PLXND1: variants seen among roughly 807,000 people sequenced by gnomAD.
PLXND1 encodes plexin D1.
A neutral mutation model predicts 197.7 loss-of-function variants in PLXND1; 54 were observed. The observed-to-expected ratio is 0.27, with a 90% CI of 0.22 to 0.34. The LOEUF (loss-of-function observed/expected upper bound fraction) is 0.34, where lower values mean the gene tolerates loss of function less well. Among genes scored for constraint, PLXND1 ranks in the 10% least tolerant of loss-of-function variants. The pLI, the probability that PLXND1 is intolerant of heterozygous loss-of-function variation, is 1.00. For missense variants in PLXND1, 2,127 were observed against 2,699.2 expected (o/e 0.79, Z 4.70); for synonymous variants, 1,180 against 1,161.2 (o/e 1.02, Z -0.33).
In PLXND1 at chr3:129,606,273, T is replaced by C; in HGVS notation, c.367A>G (p.Asn123Asp). Reference sequence around the variant, plus strand: ...TCCAGCTGCAGGATCTTGTTGTAGTTGTCCGTGAGGCGCCGCGGGTGCTCG... The same window carrying C: ...TCCAGCTGCAGGATCTTGTTGTAGTCGTCCGTGAGGCGCCGCGGGTGCTCG... ...SCEHPRRLTD[N>D]YNKILQLDPG... is the part of the protein sequence containing the mutation. Residue 123 changes from asparagine to aspartate, a missense_variant, in exon 1 of 36, where the codon AAC becomes GAC. Physicochemically the swap from Asn to Asp is conservative, Grantham distance 23 (BLOSUM62 1). Around this residue, in one of 6 missense-constraint regions of PLXND1, gnomAD observed 245 missense variants for 267.1 expected, o/e 0.92. Coordinates refer to ENST00000324093, the MANE Select transcript of PLXND1 (RefSeq NM_015103.3). 1 of 1,545,758 alleles carries C rather than the reference T, an allele frequency of 6.5e-7. No individual in the cohort carries two copies. The highest frequency in any genetic ancestry group is 8.7e-7 in the Non-Finnish European group (1 of 1,151,620).
At position 129,574,389 on chromosome 3, in the gene PLXND1, G is replaced by C. The variant is rs141047735; in HGVS notation, c.2632C>G (p.Arg878Gly). ...CCAGCCATGGGCTGCAGAGGCCCCC[G>C]CAGGCGGCAGCCATCACTCCACATG... ...LCMWSDGCRL[R>G]GPLQPMAGTC... Residue 878 changes from arginine to glycine, a missense_variant, in exon 12 of 36, where the codon CGG (arginine) becomes GGG (glycine). Around this residue, in one of 6 missense-constraint regions of PLXND1, gnomAD observed 1,095 missense variants for 1,259.8 expected, o/e 0.87. Transcript: ENST00000324093. 6.2e-7 allele frequency: 1 copy of C among 1,611,922 alleles called. No homozygotes were observed. Among genetic ancestry groups the C allele is most frequent in the African/African-American group, 1.3e-5 (1 of 75,046 alleles).
At chr3:129,578,275 G>A (rs967885443) in intron 9 of PLXND1, 54 bp downstream of exon 9, 23 of 1,122,304 alleles carry the variant, frequency 2.0e-5, no homozygotes, top group African/African-American at 3.0e-5. Flanking sequence ...AGTGGCCTGC[G>A]TGCTCCCCGG....
At chr3:129,589,310 T>TGGCCCCCCCCCCCCCCC in intron 2 of PLXND1, 41 bp downstream of exon 2, 6 of 501,290 alleles carry the variant, frequency 1.2e-5, no homozygotes, top group East Asian at 5.1e-5. Context: ...CAGGGGAGCC[T>TGGCCCCCCCCCCCCCCC]CCCACCCCCA....
Position 129,577,956 on chromosome 3 carries a change from G to A in PLXND1, c.2346+373C>T, listed in dbSNP as rs886818885. On this transcript the variant is annotated intron_variant, in intron 9 of 35. Coordinates refer to ENST00000324093, the MANE Select transcript of PLXND1 (RefSeq NM_015103.3). This position sits in a 1 kb window ranked among gnomAD's most constrained non-coding sequence, Gnocchi z 5.0. ...CCACCCACGGGGCAGTGGGCTCGGC[G>A]GTGGGTGGGTGTGTCCAGGGTCACA... Among the ~76,000 whole-genome samples, 6 of 152,214 alleles carry A rather than the reference G, an allele frequency of 3.9e-5. No individual in the cohort carries two copies. Among genetic ancestry groups the A allele is most frequent in the South Asian group, 2.1e-4 (1 of 4,834 alleles).
rs954683584 is a variant in PLXND1 at position 129,556,237 on chromosome 3, G to C, written c.*75C>G. The C allele has an allele frequency of 3.1e-6, 3 of 977,946 alleles. No individual in the cohort carries two copies. The highest frequency in any genetic ancestry group is 2.7e-5 in the South Asian group (2 of 73,682). 60.6% of individuals were successfully genotyped at this position (977,946 alleles called of 1,614,324 possible). Reference sequence around the variant, plus strand: ...ATTTCCCAGTCTGAGTCACAGGCACGGGGTAGAAGATCAAGTTGAGGCCCA... The same window carrying C: ...ATTTCCCAGTCTGAGTCACAGGCACCGGGTAGAAGATCAAGTTGAGGCCCA... On this transcript the variant is annotated 3_prime_UTR_variant, in exon 36 of 36. Transcript: ENST00000324093.
At position 129,555,671 on chromosome 3, in the gene PLXND1, C is replaced by T. The variant is rs1291916785; in HGVS notation, c.*641G>A. On this transcript the variant is annotated 3_prime_UTR_variant, in exon 36 of 36. Transcript: ENST00000324093. Reference sequence around the variant, plus strand: ...ACGGGGCTCCCAGCTCCTGTGCCCCCCATCCCTCCCCTCCACCCTCCCTGC... The same window carrying T: ...ACGGGGCTCCCAGCTCCTGTGCCCCTCATCCCTCCCCTCCACCCTCCCTGC... The T allele has an allele frequency of 1.3e-5, 7 of 543,464 alleles. No individual in the cohort carries two copies. The East Asian group carries it at 1.3e-4, about 10-fold the overall frequency. The allele number at this position is 543,464 out of a possible 1,614,324, so 33.7% of individuals were successfully genotyped here.
chr3:129,591,917 C>G (rs151121718), intron 1 of PLXND1, among the ~76,000 whole-genome samples: 9 of 152,294 alleles, frequency 5.9e-5, no homozygotes, highest in African/African-American at 2.2e-4. Flanking sequence ...CCAGGACACT[C>G]AGAATAAATC....
chr3:129,591,138 G>A (rs1449682186), intron 1 of PLXND1, among the ~76,000 whole-genome samples: 3 of 152,204 alleles, frequency 2.0e-5, no homozygotes, highest in Admixed American at 2.0e-4. Context: ...ATGTCCCTGG[G>A]GGCCAAGCCC....
Position 129,555,307 on chromosome 3 carries a change from T to C in PLXND1, c.*1005A>G. The C allele has an allele frequency of 3.6e-6, 2 of 548,372 alleles. No homozygotes were observed. Among genetic ancestry groups the C allele is most frequent in the South Asian group, 4.9e-5 (2 of 41,230 alleles). 34.0% of individuals were successfully genotyped at this position (548,372 alleles called of 1,614,324 possible). On this transcript the variant is annotated 3_prime_UTR_variant, in exon 36 of 36. Coordinates refer to ENST00000324093, the MANE Select transcript of PLXND1 (RefSeq NM_015103.3). ...ATGGGCTCTGAGCCAGTCCCAACAC[T>C]GGCTGAGTTGGCTGCGAGGGGCCCG...
intron 7 of PLXND1, 100 bp downstream of exon 7, chr3:129,584,025 G>T: frequency 1.4e-6 from 1 of 739,938 alleles, no homozygotes; most frequent in Non-Finnish European, 2.4e-6. Context: ...CCTCTACGAT[G>T]CTATGATTTT....
chr3:129,563,167 G>C lies in PLXND1; in HGVS notation c.4595C>G (p.Ala1532Gly). 6.2e-7 allele frequency: 1 copy of C among 1,611,906 alleles called. No individual in the cohort carries two copies. Residue 1532 changes from alanine to glycine, a missense_variant, in exon 26 of 36, where the codon GCC (alanine) becomes GGC (glycine). By Grantham distance (60) the Ala-to-Gly change is moderately conservative. Transcript: ENST00000324093. ...TGTGTAGCGGGCCTTGCCTGTGATG[G>C]CGTCGATGGAGCCCTTGTTGATTTG... The part of the protein sequence containing the change: ...KQQINKGSID[A>G]ITGKARYTLS...
Position 129,572,754 on chromosome 3 carries a change from G to T in PLXND1, c.2938-6C>A, listed in dbSNP as rs1313082108. ...AGGGAGTGGACCAGGGGCAGCTGTG[G>T]GAGGAAGGCAGGCGTTTGGGCCTCG... On this transcript the variant is annotated splice_region_variant and splice_polypyrimidine_tract_variant and intron_variant, in intron 14 of 35. Coordinates refer to ENST00000324093, the MANE Select transcript of PLXND1 (RefSeq NM_015103.3). 3 of 1,599,856 alleles carry T rather than the reference G, an allele frequency of 1.9e-6. No individual in the cohort carries two copies. The highest frequency in any genetic ancestry group is 2.6e-6 in the Non-Finnish European group (3 of 1,171,096).
rs1345663752 is a variant in PLXND1, at chr3:129,556,320, C to T, written c.5770G>A (p.Glu1924Lys). The change falls in exon 36 of 36, where the codon GAG becomes AAG. Residue 1924 changes from glutamate to lysine, a missense_variant. Physicochemically the swap from Glu to Lys is moderately conservative, Grantham distance 56 (BLOSUM62 1). This residue lies in a region of PLXND1 where 200 missense variants were observed against 303.3 expected (regional missense o/e 0.66). Transcript: ENST00000324093. ...CCAACTCTCCATGTGTCTCAGGCCT[C>T]ACTGTAGCACTCGTAGATGTTGTCC... Reference protein sequence around the residue: ...MEDNIYECYSEA With the variant: ...MEDNIYECYSKA 6.2e-7 allele frequency: 1 copy of T among 1,606,756 alleles called. No homozygotes were observed. The highest frequency in any genetic ancestry group is 1.3e-5 in the African/African-American group (1 of 74,790).
At chr3:129,567,840 T>C (rs751976286) in intron 20 of PLXND1, 35 bp from the exon 21 acceptor site, 2 of 1,332,780 alleles carry the variant, frequency 1.5e-6, no homozygotes, top group Non-Finnish European at 2.1e-6. Context: ...AGGCCTCTGG[T>C]GCCCTTTGGA....
rs114172059 is a variant in PLXND1, at chr3:129,556,035, C to T, written c.*277G>A. The T allele has an allele frequency of 0.011, 4,247 of 403,692 alleles. 45 individuals carry two copies. The highest frequency in any genetic ancestry group is 0.015 in the Non-Finnish European group (3,418 of 221,962). 25.0% of individuals were successfully genotyped at this position (403,692 alleles called of 1,614,324 possible). On this transcript the variant is annotated 3_prime_UTR_variant, in exon 36 of 36. Transcript: ENST00000324093. ...ACGTTGTGGAGCAAGTGGGTGGGCA[C>T]AGTGCAGGCCGTGCTGGGCAGATGG... is the stretch of plus-strand genomic sequence containing the variant.
Position 129,585,966 on chromosome 3 carries a change from G to A in PLXND1, c.1837C>T (p.Arg613Cys), listed in dbSNP as rs760772408. Residue 613 changes from arginine (R) to cysteine (C), a missense_variant, in exon 5 of 36, where the codon CGC (arginine) becomes TGC (cysteine). Physicochemically the swap from Arg to Cys is radical, Grantham distance 180. Around this residue, in one of 6 missense-constraint regions of PLXND1, gnomAD observed 1,095 missense variants for 1,259.8 expected, o/e 0.87. Transcript: ENST00000324093. ...MTVLPSEIDV[R>C]QEYPGMILQI... ...CCAGGACTCACTGGGTACTCCTGGC[G>A]CACATCGATCTCGGAAGGCAGGACG... 17 of 1,613,944 alleles carry A rather than the reference G, an allele frequency of 1.1e-5. No homozygotes were observed. The South Asian group carries it at 1.2e-4, about 11-fold the overall frequency.
At chr3:129,603,920 G>A (rs1215506854) in intron 1 of PLXND1, among the ~76,000 whole-genome samples, 1 of 152,180 alleles carries the variant, frequency 6.6e-6, no homozygotes, top group African/African-American at 2.4e-5. Flanking sequence ...GGGCTCGCCA[G>A]ACTCAGATGG....
At position 129,573,679 on chromosome 3, in the gene PLXND1, G is replaced by T; in HGVS notation, c.2752C>A (p.Arg918=). ...LLTIRGRNLG[R]RLSDVAHGVW... is the part of the protein sequence containing the mutation. The stretch of plus-strand genomic sequence containing the variant: ...CCGTGGGCCACGTCACTGAGCCGCC[G>T]GCCCAGGTTCCTTCCTCGGATGGTC... The change falls in exon 13 of 36, where the codon CGG becomes AGG. Residue 918 remains arginine, a synonymous_variant. Coordinates refer to ENST00000324093, the MANE Select transcript of PLXND1 (RefSeq NM_015103.3). The T allele has an allele frequency of 6.2e-7, 1 of 1,613,722 alleles. No homozygotes were observed. Among genetic ancestry groups the T allele is most frequent in the Non-Finnish European group, 8.5e-7 (1 of 1,180,022 alleles).
intron 11 of PLXND1, 62 bp downstream of exon 11, chr3:129,575,407 G>A (rs1375748457): frequency 1.9e-6 from 2 of 1,030,260 alleles, no homozygotes; most frequent in South Asian, 2.7e-5. Flanking sequence ...AGTCGCACAA[G>A]GCTGAGCCCC....
Sources: allele counts gnomAD v4.1 joint callset (sites outside exome capture counted in the v4.1 genomes callset), GRCh38; gene constraint gnomAD v4.1.1; regional missense constraint gnomAD v4.1.1; non-coding constraint Gnocchi (gnomAD v3.1); transcripts MANE v1.5; gene names NCBI Gene and HGNC (gene_info 2026-07-23, HGNC 2026-07-21).